Variants in CEP72 observed in about 807,000 individuals in gnomAD.
The protein encoded by CEP72 is centrosomal protein of 72 kDa.
Under a neutral mutation model 65.7 loss-of-function variants are expected in CEP72, and 78 were observed. That is an observed-to-expected ratio of 1.19 (90% CI 0.99 to 1.43). The LOEUF (loss-of-function observed/expected upper bound fraction) is 1.43. Among genes scored for constraint, CEP72 ranks in the 40% most tolerant of loss-of-function variants. The probability of loss-of-function intolerance (pLI) is 0.00; values close to 1 mark genes in which losing one functional copy is unlikely to be tolerated. For synonymous variants in CEP72, 358 were observed against 351.7 expected, an observed-to-expected ratio of 1.02 and a Z score of -0.20; for missense variants, 914 against 832.9, an observed-to-expected ratio of 1.10 and a Z score of -1.20.
intron 1 of CEP72, 122 bp downstream of exon 1, chr5:612,565 C>A (rs1048643606): frequency 4.8e-6 from 6 of 1,238,936 alleles, no homozygotes; most frequent in Middle Eastern, 3.1e-4. Context: ...CGCGGGCGTC[C>A]GGAACGGTCG....
At chr5:670,276 C>T (rs1740167802), downstream of CEP72, among the ~76,000 whole-genome samples, 2 of 152,144 alleles carry the variant, frequency 1.3e-5, no homozygotes, top group Admixed American at 1.3e-4. Flanking sequence ...CCCATGGTGC[C>T]CTCTCTGAGG....
the CEP72 span, among the ~76,000 whole-genome samples, chr5:672,811 G>T: frequency 6.6e-6 from 1 of 152,250 alleles, no homozygotes. Flanking sequence ...TTGCAGGAGG[G>T]AGTCATTGTC....
intron 2 of CEP72, chr5:663,969 G>A (rs28364691): frequency 0.13 from 20,316 of 152,688 alleles, 1,725 homozygotes; most frequent in Admixed American, 0.19. Context: ...AGGGCGGGCC[G>A]CCTGGGTGTG....
At chr5:629,380 T>C (rs1165117053) in intron 4 of CEP72, among the ~76,000 whole-genome samples, 1 of 152,282 alleles carries the variant, frequency 6.6e-6, no homozygotes, top group African/African-American at 2.4e-5. Flanking sequence ...ACTTTAATTT[T>C]TGAACCAATC....
At chr5:647,326 G>A (rs540125998) in intron 10 of CEP72, among the ~76,000 whole-genome samples, 1 of 152,386 alleles carries the variant, frequency 6.6e-6, no homozygotes, top group Non-Finnish European at 1.5e-5. Flanking sequence ...ACAGGCAGGA[G>A]TTTGTAGATG....
chr5:628,554 T>G (rs1376972552), intron 4 of CEP72, among the ~76,000 whole-genome samples: 75 of 137,690 alleles, frequency 5.4e-4, no homozygotes, highest in African/African-American at 9.5e-4. Context: ...CAGGTTGCAG[T>G]CCCCGGGGAG....
downstream of CEP72, among the ~76,000 whole-genome samples, chr5:654,867 T>TA (rs1290360032): frequency 1.7e-5 from 2 of 115,400 alleles, no homozygotes; most frequent in Admixed American, 9.8e-5. Context: ...GGACTCTAGT[T>TA]AGCTTTCTGT....
Position 641,402 on chromosome 5 carries a change from C to T in CEP72, c.1539+798C>T, listed in dbSNP as rs139290583. On this transcript the variant is annotated intron_variant, in intron 9 of 11. Coordinates refer to ENST00000264935, the MANE Select transcript of CEP72 (RefSeq NM_018140.4). ...GGGCCTTGTCAGCATCTTTAAATTG[C>T]GAGTGAAGTCGGCCCGGGACGGCTT... 1.1e-4 allele frequency: 111 copies of T among 985,452 alleles called. 1 individual carries two copies. The highest frequency in any genetic ancestry group is 1.9e-4 in the African/African-American group (11 of 57,360). The allele number at this position is 985,452 out of a possible 1,614,324, so 61.0% of individuals were successfully genotyped here.
rs751028274 is a variant in CEP72, at chr5:640,463, C to G, written c.1398C>G (p.Ser466Arg). 6.2e-7 allele frequency: 1 copy of G among 1,614,246 alleles called. No homozygotes were observed. The highest frequency in any genetic ancestry group is 8.5e-7 in the Non-Finnish European group (1 of 1,180,052). ...AAGAATTCACAGCAGCTCAGGACAG[C>G]TCTGCGATGGTGGGTGAAGATGTCG... The part of the protein sequence containing the change: ...SVEEFTAAQD[S>R]SAMVGEDVGS... The change falls in exon 9 of 12, where the codon AGC becomes AGG. Residue 466 changes from serine (S) to arginine (R), a missense_variant. Transcript: ENST00000264935.
chr5:670,311 C>T (rs1408928642), downstream of CEP72, among the ~76,000 whole-genome samples: 2 of 152,304 alleles, frequency 1.3e-5, no homozygotes, highest in Middle Eastern at 3.4e-3. Context: ...GGCGAGGTGA[C>T]AGCTACCAGC....
At chr5:670,666 T>C (rs752142514), downstream of CEP72, among the ~76,000 whole-genome samples, 8 of 152,108 alleles carry the variant, frequency 5.3e-5, no homozygotes, top group Non-Finnish European at 8.8e-5. Flanking sequence ...TTCTCACTGC[T>C]CCAGGAGGGT....
chr5:616,790 C>T (rs1033244357), intron 1 of CEP72, among the ~76,000 whole-genome samples: 7 of 147,562 alleles, frequency 4.7e-5, no homozygotes, highest in African/African-American at 7.6e-5. Context: ...GCCAGGTGGA[C>T]GAGGGGTGTG....
intron 1 of CEP72, 128 bp from the exon 2 acceptor site, chr5:618,861 CT>C (rs1736164663): frequency 5.4e-6 from 4 of 742,964 alleles, no homozygotes; most frequent in Non-Finnish European, 8.6e-6. Flanking sequence ...ATTCAGGAGC[CT>C]GAGTAAAGTT....
At chr5:665,579 G>A (rs1055548846) in intron 3 of CEP72, among the ~76,000 whole-genome samples, 1 of 151,940 alleles carries the variant, frequency 6.6e-6, no homozygotes, top group Non-Finnish European at 1.5e-5. Context: ...GGGGCTGTCA[G>A]AACAGCCAGG....
intron 9 of CEP72, chr5:644,006 G>T (rs1738243808): frequency 3.0e-6 from 1 of 335,056 alleles, no homozygotes; most frequent in Non-Finnish European, 5.5e-6. Context: ...AGGCCTGCAG[G>T]TCCTGCTGGA....
rs1010681414 is a variant in CEP72, at chr5:639,249, T to C, written c.1342+25T>C. 3.2e-6 allele frequency: 5 copies of C among 1,541,010 alleles called. No individual in the cohort carries two copies. The African/African-American group carries it at 6.9e-5, about 21-fold the overall frequency. On this transcript the variant is annotated intron_variant, in intron 8 of 11. Transcript: ENST00000264935. ...GGTGAGTCAGGGCGGCCACTGCTCT[T>C]GCCCTGTAGGCAGCGTCTGTGTGGG...
intron 4 of CEP72, 81 bp from the exon 5 acceptor site, chr5:633,688 G>A: frequency 7.2e-7 from 1 of 1,382,682 alleles, no homozygotes; most frequent in Non-Finnish European, 1.0e-6. Flanking sequence ...GACCGTGCAG[G>A]AATTTTCCTT....
At chr5:641,465 TGTCC>T (rs1347907904) in intron 9 of CEP72, 1 of 985,366 alleles carries the variant, frequency 1.0e-6, no homozygotes, top group Admixed American at 6.1e-5. Flanking sequence ...AAGTACATAC[TGTCC>T]GTTTCATGGG....
chr5:625,124 C>T (rs1736664331), intron 4 of CEP72, among the ~76,000 whole-genome samples: 1 of 152,204 alleles, frequency 6.6e-6, no homozygotes, highest in Admixed American at 6.5e-5. Context: ...GCCTGCTTCC[C>T]CTTGCAGCCC....
Sources: gnomAD v4.1 joint callset for allele counts (sites outside exome capture counted in the v4.1 genomes callset) on GRCh38, gnomAD v4.1.1 for gene constraint, MANE v1.5 for transcripts, NCBI Gene and HGNC (gene_info 2026-07-23, HGNC 2026-07-21) for gene names.